Variants in AMPH observed in about 807,000 individuals in gnomAD.
AMPH encodes the protein amphiphysin (Stiff-Mann syndrome with breast cancer 128kD autoantigen).
Under a neutral mutation model 99.1 loss-of-function variants are expected in AMPH, and 49 were observed. That is an observed-to-expected ratio of 0.49 (90% CI 0.39 to 0.63). The LOEUF is 0.63. AMPH is among the 20% of genes least tolerant of loss of function. The pLI, the probability that AMPH is intolerant of heterozygous loss-of-function variation, is 0.00. For missense variants in AMPH, 759 were observed against 863.4 expected, an observed-to-expected ratio of 0.88 and a Z score of 1.52; for synonymous variants, 314 against 317.3, an observed-to-expected ratio of 0.99 and a Z score of 0.11.
Position 38,417,726 on chromosome 7 carries a change from G to C in AMPH, c.1398+99C>G. ...CTACGACAGATATGGAGCATGTTTG[G>C]CCCAAGTGAGGCAAAGATGAGAGCG... On this transcript the variant is annotated intron_variant, in intron 17 of 20. Coordinates refer to ENST00000356264, the MANE Select transcript of AMPH (RefSeq NM_001635.4). 2.7e-6 allele frequency: 4 copies of C among 1,479,726 alleles called. No homozygotes were observed. In the East Asian group the frequency reaches 7.0e-5, roughly 26 times the overall value. 91.7% of individuals were successfully genotyped at this position (1,479,726 alleles called of 1,614,324 possible).
At chr7:38,560,888 T>C (rs74439174) in intron 1 of AMPH, among the ~76,000 whole-genome samples, 3,390 of 152,336 alleles carry the variant, frequency 0.022, 58 homozygotes, top group Non-Finnish European at 0.032. Context: ...TTTTATTTTC[T>C]AGAATCAGAA....
intron 18 of AMPH, chr7:38,392,804 GC>G (rs1784548769): frequency 6.6e-6 from 1 of 152,382 alleles, no homozygotes; most frequent in African/African-American, 2.4e-5. Context: ...CCTGAACCAT[GC>G]TTGCTGATGA....
Position 38,595,545 on chromosome 7 carries a change from T to C in AMPH, c.69+35738A>G, listed in dbSNP as rs553601400. Among the ~76,000 whole-genome samples, 24 of 152,280 alleles carry C rather than the reference T, an allele frequency of 1.6e-4. No individual in the cohort carries two copies. The South Asian group carries it at 4.4e-3, about 28-fold the overall frequency. ...TTTAGGACAAATATCAATCAGGGTG[T>C]CCAGAAAAGTCCAACTTTATTTTTT... On this transcript the variant is annotated intron_variant, in intron 1 of 20. Coordinates refer to ENST00000356264, the MANE Select transcript of AMPH (RefSeq NM_001635.4).
chr7:38,435,148 T>G (rs1786211827), intron 12 of AMPH, among the ~76,000 whole-genome samples: 1 of 152,196 alleles, frequency 6.6e-6, no homozygotes, highest in African/African-American at 2.4e-5. Flanking sequence ...AAGAGACCCT[T>G]TTGTTTTTTG....
chr7:38,442,140 C>T (rs546877318), intron 11 of AMPH, among the ~76,000 whole-genome samples: 44 of 152,108 alleles, frequency 2.9e-4, no homozygotes, highest in African/African-American at 1.1e-3. Flanking sequence ...GAAAAAATAG[C>T]TAATGGGTAC....
chr7:38,423,610 G>A (rs1172999919), intron 15 of AMPH, among the ~76,000 whole-genome samples: 1 of 152,174 alleles, frequency 6.6e-6, no homozygotes, highest in Non-Finnish European at 1.5e-5. Flanking sequence ...ACAAAATGTT[G>A]AAATTGGAAA....
intron 7 of AMPH, among the ~76,000 whole-genome samples, chr7:38,468,723 A>G (rs749744398): frequency 6.6e-6 from 1 of 152,228 alleles, no homozygotes. Flanking sequence ...CACCTAGTAC[A>G]CGGCAAGCAT....
intron 1 of AMPH, among the ~76,000 whole-genome samples, chr7:38,582,205 G>T (rs996186887): frequency 6.6e-6 from 1 of 152,184 alleles, no homozygotes; most frequent in Admixed American, 6.5e-5. Flanking sequence ...TACCCTGGAA[G>T]CCAAATGAAG....
intron 3 of AMPH, among the ~76,000 whole-genome samples, chr7:38,496,107 A>G (rs1788924382): frequency 6.6e-6 from 1 of 152,210 alleles, no homozygotes; most frequent in African/African-American, 2.4e-5. Flanking sequence ...GAGGAAAATC[A>G]GAGCACTGTC....
chr7:38,447,451 T>A (rs1167230577), intron 11 of AMPH, among the ~76,000 whole-genome samples: 1 of 152,198 alleles, frequency 6.6e-6, no homozygotes, highest in African/African-American at 2.4e-5. Flanking sequence ...ACTATTTTTT[T>A]ACATTAACTA....
intron 17 of AMPH, among the ~76,000 whole-genome samples, chr7:38,413,775 A>G (rs1031408488): frequency 2.6e-5 from 4 of 152,208 alleles, no homozygotes; most frequent in Non-Finnish European, 4.4e-5. Context: ...AGATCATTCT[A>G]TGTTAATAAG....
At chr7:38,473,793 T>TA (rs899633843) in intron 7 of AMPH, among the ~76,000 whole-genome samples, 11 of 148,352 alleles carry the variant, frequency 7.4e-5, no homozygotes, top group Middle Eastern at 3.4e-3. Flanking sequence ...CTGTATTTTT[T>TA]AAAAAAAAGC....
Position 38,384,757 on chromosome 7 carries a change from C to T in AMPH, c.*61G>A. ...AGCATAATAACAAAAGTGAACTCTT[C>T]AGGTTTTCATGAAGGTTTAAAAACC... On this transcript the variant is annotated 3_prime_UTR_variant, in exon 21 of 21. Coordinates refer to ENST00000356264, the MANE Select transcript of AMPH (RefSeq NM_001635.4). 2 of 1,361,040 alleles carry T rather than the reference C, an allele frequency of 1.5e-6. No individual in the cohort carries two copies. The highest frequency in any genetic ancestry group is 3.4e-5 in the Admixed American group (2 of 59,076). The allele number at this position is 1,361,040 out of a possible 1,614,324, so 84.3% of individuals were successfully genotyped here.
chr7:38,456,161 A>T (rs892873238), intron 11 of AMPH, among the ~76,000 whole-genome samples: 1 of 152,204 alleles, frequency 6.6e-6, no homozygotes, highest in Non-Finnish European at 1.5e-5. Flanking sequence ...GAAGCCAGGC[A>T]CTTGCAGACA....
chr7:38,534,853 A>T, intron 2 of AMPH, 78 bp downstream of exon 2: 4 of 1,228,458 alleles, frequency 3.3e-6, no homozygotes, highest in Non-Finnish European at 3.5e-6. Context: ...TTTTAATCTT[A>T]ATGCATTTTA....
intron 1 of AMPH, among the ~76,000 whole-genome samples, chr7:38,560,573 C>T (rs568015932): frequency 2.4e-4 from 37 of 152,314 alleles, no homozygotes; most frequent in African/African-American, 8.2e-4. Flanking sequence ...AGTAGCACAA[C>T]GTAACTTGGG....
chr7:38,441,871 T>TATATCATATATAC lies in AMPH; in HGVS notation c.1018-5484_1018-5483insGTATATATGATAT, dbSNP rs772227243. 2.1e-3 allele frequency among the ~76,000 whole-genome samples: 258 copies of TATATCATATATAC among 120,002 alleles called. 17 individuals are homozygous for TATATCATATATAC. In the South Asian group the frequency reaches 0.037, roughly 17 times the overall value. 78.7% of individuals were successfully genotyped at this position (120,002 alleles called of 152,430 possible). On this transcript the variant is annotated intron_variant, in intron 11 of 20. Transcript: ENST00000356264. ...TATATCATATATATCATATATATCA[T>TATATCATATATAC]ATATATATCATATACATACACACAC...
chr7:38,613,962 A>G lies in AMPH; in HGVS notation c.69+17321T>C, dbSNP rs150830162. On this transcript the variant is annotated intron_variant, in intron 1 of 20. Transcript: ENST00000356264. ...ATTCCTGCTGTACTCAACATGTGAC[A>G]TGGCAGGAGTCCACCCCATAGTCTA... Among the ~76,000 whole-genome samples, 1,174 of 152,210 alleles carry G rather than the reference A, an allele frequency of 7.7e-3. 13 individuals are homozygous for G. The highest frequency in any genetic ancestry group is 0.027 in the African/African-American group (1,101 of 41,512).
chr7:38,459,562 T>TA (rs1787361314), intron 11 of AMPH, among the ~76,000 whole-genome samples: 3 of 152,062 alleles, frequency 2.0e-5, no homozygotes. Flanking sequence ...AGCCAACTCA[T>TA]TTTCAGTAAA....
Sources: allele counts gnomAD v4.1 joint callset (sites outside exome capture counted in the v4.1 genomes callset), GRCh38; gene constraint gnomAD v4.1.1; transcripts MANE v1.5; gene names NCBI Gene and HGNC (gene_info 2026-07-23, HGNC 2026-07-21).